Variants in GMDS observed in about 807,000 individuals in gnomAD.
GMDS encodes GDP-mannose 4,6 dehydratase.
GMDS carries 20 observed loss-of-function variants against 49.9 expected under a neutral mutation model. The observed-to-expected ratio is 0.40, with a 90% CI of 0.28 to 0.58. The LOEUF (loss-of-function observed/expected upper bound fraction) is 0.58. Among genes scored for constraint, GMDS ranks in the 20% least tolerant of loss-of-function variants. The pLI, the probability that GMDS is intolerant of heterozygous loss-of-function variation, is 0.42. For missense variants in GMDS, 362 were observed against 481.4 expected, an observed-to-expected ratio of 0.75 and a Z score of 2.32; for synonymous variants, 177 against 178.6, an observed-to-expected ratio of 0.99 and a Z score of 0.07.
chr6:2,059,175 CAAAAAAA>C (rs55832305), intron 4 of GMDS, among the ~76,000 whole-genome samples: 7 of 30,016 alleles, frequency 2.3e-4, no homozygotes, highest in African/African-American at 7.9e-4. Flanking sequence ...TCCTCTGTCT[CAAAAAAA>C]AAAAAAAAAA....
chr6:2,063,707 G>GACTCT (rs963100600), intron 4 of GMDS, among the ~76,000 whole-genome samples: 9 of 152,186 alleles, frequency 5.9e-5, no homozygotes, highest in Admixed American at 6.5e-5. Flanking sequence ...ACACAATCTA[G>GACTCT]AGGGAACAAA....
chr6:1,746,004 C>T (rs953717135), intron 7 of GMDS, among the ~76,000 whole-genome samples: 3 of 152,160 alleles, frequency 2.0e-5, no homozygotes, highest in African/African-American at 4.8e-5. Context: ...CGCAGCCATC[C>T]GCCTCCTTAT....
intron 4 of GMDS, among the ~76,000 whole-genome samples, chr6:2,088,966 C>CTCTT (rs1460139662): frequency 1.3e-5 from 2 of 152,206 alleles, no homozygotes; most frequent in African/African-American, 2.4e-5. Flanking sequence ...TATCTGTTCT[C>CTCTT]TCTTTAGTCA....
At chr6:1,928,825 C>T (rs551921400) in intron 7 of GMDS, among the ~76,000 whole-genome samples, 101 of 152,024 alleles carry the variant, frequency 6.6e-4, no homozygotes, top group African/African-American at 2.4e-3. Context: ...AAAAATTAGT[C>T]GGGTGTGGTG....
intron 1 of GMDS, among the ~76,000 whole-genome samples, chr6:2,142,196 C>A (rs1159561321): frequency 6.6e-6 from 1 of 152,078 alleles, no homozygotes; most frequent in East Asian, 1.9e-4. Context: ...TGTTCATATT[C>A]GAAGGAGCTG....
chr6:2,205,206 T>C (rs1047167948), intron 1 of GMDS, among the ~76,000 whole-genome samples: 4 of 152,236 alleles, frequency 2.6e-5, no homozygotes, highest in African/African-American at 9.6e-5. Context: ...AAAGCCAAGT[T>C]ATCAGTGGAT....
At chr6:2,068,491 T>C (rs12181478) in intron 4 of GMDS, among the ~76,000 whole-genome samples, 13,600 of 152,136 alleles carry the variant, frequency 0.089, 1,804 homozygotes, top group African/African-American at 0.29. Context: ...TGTTTGCAGA[T>C]GACATGATTG....
intron 1 of GMDS, among the ~76,000 whole-genome samples, chr6:2,149,985 T>C (rs565143039): frequency 1.3e-5 from 2 of 152,316 alleles, no homozygotes; most frequent in Non-Finnish European, 2.9e-5. Context: ...TCTATTTTGG[T>C]TTGCTGTATA....
At chr6:2,082,607 G>A (rs1772779186) in intron 4 of GMDS, among the ~76,000 whole-genome samples, 1 of 152,176 alleles carries the variant, frequency 6.6e-6, no homozygotes, top group Admixed American at 6.5e-5. Context: ...AACACTGAAA[G>A]AGCTGTCTGA....
chr6:1,971,525 A>G (rs1764609501), intron 4 of GMDS, among the ~76,000 whole-genome samples: 1 of 152,226 alleles, frequency 6.6e-6, no homozygotes, highest in East Asian at 1.9e-4. Flanking sequence ...AAGGCATATT[A>G]AGGTATAGTT....
chr6:1,995,889 T>G (rs77989488), intron 4 of GMDS, among the ~76,000 whole-genome samples: 1 of 50,016 alleles, frequency 2.0e-5, no homozygotes, highest in African/African-American at 1.1e-4. Context: ...GATCTCTACT[T>G]CTTTGTTTAA....
intron 4 of GMDS, among the ~76,000 whole-genome samples, chr6:1,995,836 G>T (rs1321338087): frequency 6.6e-6 from 1 of 152,084 alleles, no homozygotes; most frequent in Non-Finnish European, 1.5e-5. Context: ...CCCTCTTTCT[G>T]GTCCTGCTTA....
At chr6:1,970,789 C>T (rs536244380) in intron 4 of GMDS, among the ~76,000 whole-genome samples, 3 of 152,222 alleles carry the variant, frequency 2.0e-5, no homozygotes, top group South Asian at 4.2e-4. Flanking sequence ...GAACAACACA[C>T]ACTGGGACCT....
chr6:1,914,407 A>C (rs7754929), intron 7 of GMDS, among the ~76,000 whole-genome samples: 11,699 of 150,150 alleles, frequency 0.078, 513 homozygotes, highest in South Asian at 0.15. Flanking sequence ...GTGGAGCTTA[A>C]AGTGAGCCGA....
chr6:1,782,639 C>T (rs181864710), intron 7 of GMDS, among the ~76,000 whole-genome samples: 79 of 152,266 alleles, frequency 5.2e-4, no homozygotes, highest in Non-Finnish European at 9.3e-4. Flanking sequence ...TTAGAGCTTA[C>T]TGATTTTAAC....
chr6:1,960,632 T>A, intron 5 of GMDS, 142 bp downstream of exon 5: 1 of 524,724 alleles, frequency 1.9e-6, no homozygotes, highest in African/African-American at 1.8e-5. Context: ...ACAAGTTCAG[T>A]CACTTTAGTC....
At chr6:1,639,413 G>A (rs571376581) in intron 9 of GMDS, among the ~76,000 whole-genome samples, 13 of 152,344 alleles carry the variant, frequency 8.5e-5, no homozygotes, top group Non-Finnish European at 7.4e-5. Context: ...GTAGGGAGAC[G>A]AAGTGCAAGG....
At chr6:1,677,402 T>C (rs1393818635) in intron 9 of GMDS, among the ~76,000 whole-genome samples, 1 of 152,108 alleles carries the variant, frequency 6.6e-6, no homozygotes, top group Admixed American at 6.6e-5. Flanking sequence ...TCCTCAGGGA[T>C]CTAGAACTAG....
rs200850173 is a variant in GMDS, at chr6:1,960,982, G to A, written c.346-16C>T. On this transcript the variant is annotated splice_polypyrimidine_tract_variant and intron_variant, in intron 4 of 10. Transcript: ENST00000380815. Reference sequence around the variant, plus strand: ...CAAAGGAAATCTGGAAAAAGCAGGCGGAGACAGGGCTGCATTAATAGCTTC... The same window carrying A: ...CAAAGGAAATCTGGAAAAAGCAGGCAGAGACAGGGCTGCATTAATAGCTTC... 6.3e-4 allele frequency: 958 copies of A among 1,508,774 alleles called. No homozygotes were observed. Among genetic ancestry groups the A allele is most frequent in the Middle Eastern group, 2.3e-3 (13 of 5,562 alleles). The allele number at this position is 1,508,774 out of a possible 1,614,324, so 93.5% of individuals were successfully genotyped here.
Sources: gnomAD v4.1 joint callset for allele counts (sites outside exome capture counted in the v4.1 genomes callset) on GRCh38, gnomAD v4.1.1 for gene constraint, MANE v1.5 for transcripts, NCBI Gene and HGNC (gene_info 2026-07-23, HGNC 2026-07-21) for gene names.